YLPM1: variants seen among roughly 807,000 people sequenced by gnomAD.
The protein encoded by YLPM1 is YLP motif-containing protein 1.
YLPM1 carries 99 observed loss-of-function variants against 230.0 expected under a neutral mutation model. That is an observed-to-expected ratio of 0.43 (90% CI 0.37 to 0.51). The LOEUF (loss-of-function observed/expected upper bound fraction) is 0.51. YLPM1 is among the 20% of genes least tolerant of loss of function. The pLI, the probability that YLPM1 is intolerant of heterozygous loss-of-function variation, is 0.00. For synonymous variants in YLPM1, 984 were observed against 942.5 expected (o/e 1.04, Z -0.81); for missense variants, 2,592 against 2,707.7 (o/e 0.96, Z 0.95).
chr14:74,807,947 C>T (rs111479374), intron 6 of YLPM1, among the ~76,000 whole-genome samples: 17 of 152,006 alleles, frequency 1.1e-4, no homozygotes, highest in African/African-American at 2.9e-4. Context: ...AGTTCTTAAC[C>T]GAGGGTTATA....
chr14:74,764,303 A>G lies in YLPM1; in HGVS notation c.814A>G (p.Lys272Glu), dbSNP rs1385010562. Residue 272 changes from lysine to glutamate, a missense_variant, in exon 1 of 21, where the codon AAG becomes GAG. This residue lies in a region of YLPM1 where 1,862 missense variants were observed against 1,819.8 expected (regional missense o/e 1.02). Transcript: ENST00000325680. The part of the protein sequence containing the change: ...QEPLESGAKN[K>E]STEQQQAAPE... ...GCCTTTGGAGAGTGGGGCCAAAAAC[A>G]AGAGTACTGAACAGCAGCAAGCCGC... The G allele has an allele frequency of 6.2e-7, 1 of 1,613,630 alleles. No individual in the cohort carries two copies. Among genetic ancestry groups the G allele is most frequent in the African/African-American group, 1.3e-5 (1 of 74,874 alleles).
intron 1 of YLPM1, among the ~76,000 whole-genome samples, chr14:74,776,106 A>G (rs1233796598): frequency 2.0e-5 from 3 of 151,976 alleles, no homozygotes; most frequent in Non-Finnish European, 4.4e-5. Context: ...ATTATATAAT[A>G]CTAGGATAAT....
intron 5 of YLPM1, among the ~76,000 whole-genome samples, chr14:74,801,979 A>G (rs887216012): frequency 2.0e-5 from 3 of 151,784 alleles, no homozygotes; most frequent in African/African-American, 7.3e-5. Context: ...CACTTTGGGA[A>G]GCTGAGGCAG....
Position 74,809,798 on chromosome 14 carries a change from G to T in YLPM1, c.4939+1G>T. ...ACTGTTGATTATGGCCATGGCCGAG[G>T]TGAGTAATGATAGTGCACTTGTATT... On this transcript the variant is annotated splice_donor_variant, in intron 7 of 20. Coordinates refer to ENST00000325680, the MANE Select transcript of YLPM1 (RefSeq NM_019589.3). LOFTEE classifies it high-confidence loss of function. The T allele has an allele frequency of 6.2e-7, 1 of 1,613,774 alleles. No individual in the cohort carries two copies. The highest frequency in any genetic ancestry group is 8.5e-7 in the Non-Finnish European group (1 of 1,179,828).
intron 11 of YLPM1, 89 bp downstream of exon 11, chr14:74,812,871 G>A: frequency 6.9e-7 from 1 of 1,440,326 alleles, no homozygotes. Context: ...TTATTTTTCT[G>A]CAACATAGTA....
At chr14:74,764,727 G>A (rs931032821) in intron 1 of YLPM1, among the ~76,000 whole-genome samples, 2 of 152,182 alleles carry the variant, frequency 1.3e-5, no homozygotes, top group Non-Finnish European at 2.9e-5. Flanking sequence ...GTTTCCATTT[G>A]AGAGAAAGCA....
intron 17 of YLPM1, among the ~76,000 whole-genome samples, chr14:74,823,732 C>T (rs760888959): frequency 6.6e-6 from 1 of 152,044 alleles, no homozygotes; most frequent in Non-Finnish European, 1.5e-5. Flanking sequence ...ACTTCCTAAT[C>T]GGGTAATTGG....
chr14:74,812,915 A>G (rs963028848), intron 11 of YLPM1, 133 bp downstream of exon 11: 2 of 1,178,522 alleles, frequency 1.7e-6, no homozygotes, highest in Non-Finnish European at 2.3e-6. Context: ...TACTATCTCT[A>G]AATCACCATA....
At chr14:74,812,211 A>G (rs972731658) in intron 10 of YLPM1, among the ~76,000 whole-genome samples, 2 of 152,218 alleles carry the variant, frequency 1.3e-5, no homozygotes, top group Non-Finnish European at 2.9e-5. Flanking sequence ...TTTCACTGCT[A>G]TGATTTACAC....
rs566853958 is a variant in YLPM1, at chr14:74,820,956, T to A, written c.6031-101T>A. On this transcript the variant is annotated intron_variant, in intron 16 of 20. Transcript: ENST00000325680. ...CTTGGTATGTAACAGTGAGCCTGTC[T>A]TGCTCTGGGCAACTGTATTCATTCC... 2.5e-5 allele frequency: 32 copies of A among 1,294,270 alleles called. No individual in the cohort carries two copies. In the South Asian group the frequency reaches 6.7e-4, roughly 27 times the overall value. 80.2% of individuals were successfully genotyped at this position (1,294,270 alleles called of 1,614,324 possible).
intron 1 of YLPM1, among the ~76,000 whole-genome samples, chr14:74,769,507 G>A (rs1245858034): frequency 6.6e-6 from 1 of 151,648 alleles, no homozygotes; most frequent in African/African-American, 2.4e-5. Context: ...GGCTGGTCTC[G>A]AACTCCTGAC....
intron 4 of YLPM1, among the ~76,000 whole-genome samples, chr14:74,782,878 C>A (rs781614628): frequency 3.3e-5 from 5 of 152,052 alleles, no homozygotes; most frequent in African/African-American, 4.8e-5. Flanking sequence ...GAGCTTACAT[C>A]CTTTATATTT....
intron 2 of YLPM1, among the ~76,000 whole-genome samples, chr14:74,778,978 T>C (rs1443166017): frequency 2.0e-5 from 3 of 152,114 alleles, no homozygotes; most frequent in Non-Finnish European, 4.4e-5. Context: ...GTAGCTGGGA[T>C]GACAGGCATG....
Position 74,816,674 on chromosome 14 carries a change from A to G in YLPM1, c.5669A>G (p.Lys1890Arg), listed in dbSNP as rs549177080. 4 of 1,612,650 alleles carry G rather than the reference A, an allele frequency of 2.5e-6. No individual in the cohort carries two copies. In the East Asian group the frequency reaches 8.9e-5, roughly 36 times the overall value. The change falls in exon 13 of 21, where the codon AAG (lysine) becomes AGG (arginine). Residue 1890 changes from lysine (K) to arginine (R), a missense_variant. This residue lies in a region of YLPM1 where 315 missense variants were observed against 429.3 expected (regional missense o/e 0.73). Coordinates refer to ENST00000325680, the MANE Select transcript of YLPM1 (RefSeq NM_019589.3). ...EKEEKDPDSG[K>R]KVKKKVMEYE... Reference sequence around the variant, plus strand: ...GAAGAAAAAGATCCAGATTCTGGAAAGAAAGTGAAAAAGAAGGTATGGTAT... The same window carrying G: ...GAAGAAAAAGATCCAGATTCTGGAAGGAAAGTGAAAAAGAAGGTATGGTAT...
Position 74,799,190 on chromosome 14 carries a change from A to G in YLPM1, c.3893A>G (p.Asp1298Gly). ...GTGGATCGGATTTCAAGACCTATGG[A>G]TATGTATGATAGAAGTTTGGATAAT... Reference protein sequence around the residue: ...RDVDRISRPMDMYDRSLDNEW... With the variant: ...RDVDRISRPMGMYDRSLDNEW... Residue 1298 changes from aspartate (D) to glycine (G), a missense_variant, in exon 5 of 21, where the codon GAT becomes GGT. By Grantham distance (94) the Asp-to-Gly change is moderately conservative. Around this residue, in one of 4 missense-constraint regions of YLPM1, gnomAD observed 1,862 missense variants for 1,819.8 expected, o/e 1.02. Transcript: ENST00000325680. The G allele has an allele frequency of 6.2e-7, 1 of 1,613,952 alleles. No homozygotes were observed. Among genetic ancestry groups the G allele is most frequent in the Non-Finnish European group, 8.5e-7 (1 of 1,179,872 alleles).
At chr14:74,812,238 T>C (rs2140128092) in intron 10 of YLPM1, among the ~76,000 whole-genome samples, 1 of 152,326 alleles carries the variant, frequency 6.6e-6, no homozygotes, top group East Asian at 1.9e-4. Flanking sequence ...TAGAAACTCA[T>C]ACCTATTTTT....
chr14:74,787,343 A>G (rs914694927), intron 4 of YLPM1, among the ~76,000 whole-genome samples: 14 of 152,198 alleles, frequency 9.2e-5, no homozygotes, highest in Admixed American at 2.6e-4. Flanking sequence ...CGGGCAGATC[A>G]CTTGAGGTCA....
Position 74,827,241 on chromosome 14 carries a change from A to T in YLPM1, c.6164-1972A>T, listed in dbSNP as rs142560167. The stretch of plus-strand genomic sequence containing the variant: ...GATTTAAAACTTCATCTTCATCTTA[A>T]AACTTCATCTTTTGAAATCTCTGAA... On this transcript the variant is annotated intron_variant, in intron 18 of 20. Transcript: ENST00000325680. 5.4e-5 allele frequency: 42 copies of T among 779,926 alleles called. 1 individual carries two copies. In the East Asian group the frequency reaches 5.4e-3, roughly 100 times the overall value. The allele number at this position is 779,926 out of a possible 1,614,324, so 48.3% of individuals were successfully genotyped here. A position where few individuals can be genotyped will look rare whatever the true frequency, so the allele number is the denominator to read the frequency against.
intron 3 of YLPM1, among the ~76,000 whole-genome samples, chr14:74,781,085 T>C (rs1329660115): frequency 6.6e-6 from 1 of 152,232 alleles, no homozygotes; most frequent in Non-Finnish European, 1.5e-5. Flanking sequence ...AAAATACTTA[T>C]TGCTAAGATA....
Sources: gnomAD v4.1 joint callset for allele counts (sites outside exome capture counted in the v4.1 genomes callset) on GRCh38, gnomAD v4.1.1 for gene constraint, gnomAD v4.1.1 regional missense constraint, MANE v1.5 for transcripts, NCBI Gene and HGNC (gene_info 2026-07-23, HGNC 2026-07-21) for gene names.